The following RNF130 variants were observed in gnomAD, a reference collection of about 807,000 sequenced individuals.
RNF130 encodes E3 ubiquitin-protein ligase RNF130.
In RNF130, 21 loss-of-function variants were observed where a neutral mutation model predicts 44.6. The observed-to-expected ratio is 0.47, with a 90% CI of 0.33 to 0.68. The LOEUF (loss-of-function observed/expected upper bound fraction) is 0.68. RNF130 is among the 30% of genes least tolerant of loss of function. The pLI is 0.02. For synonymous variants in RNF130, 214 were observed against 210.4 expected (o/e 1.02, Z -0.15); for missense variants, 479 against 560.6 (o/e 0.85, Z 1.47).
chr5:180,064,432 A>G (rs1765052093), intron 1 of RNF130, among the ~76,000 whole-genome samples: 1 of 152,170 alleles, frequency 6.6e-6, no homozygotes, highest in Non-Finnish European at 1.5e-5. Flanking sequence ...CATAGTCCCC[A>G]GAGGCAACCA....
At chr5:180,009,740 G>C (rs1413376180) in intron 3 of RNF130, among the ~76,000 whole-genome samples, 4 of 152,166 alleles carry the variant, frequency 2.6e-5, no homozygotes, top group Non-Finnish European at 5.9e-5. Context: ...ACTGAACTCA[G>C]AAATTACACA....
chr5:179,974,367 G>C (rs936750573), intron 5 of RNF130, among the ~76,000 whole-genome samples: 1 of 152,252 alleles, frequency 6.6e-6, no homozygotes, highest in Non-Finnish European at 1.5e-5. Context: ...ATAAGACCAG[G>C]TGACAGTTCC....
intron 1 of RNF130, among the ~76,000 whole-genome samples, chr5:180,063,431 T>C (rs980950814): frequency 6.6e-6 from 1 of 152,084 alleles, no homozygotes; most frequent in Non-Finnish European, 1.5e-5. Context: ...TTTATTGAGA[T>C]GGGAAAGACT....
chr5:179,938,875 C>T (rs965677372), intron 7 of RNF130, among the ~76,000 whole-genome samples: 2 of 152,208 alleles, frequency 1.3e-5, no homozygotes, highest in East Asian at 1.9e-4. Context: ...ATGGAAAAGC[C>T]GATTCATGCT....
chr5:180,055,813 G>A (rs562912987), intron 1 of RNF130, among the ~76,000 whole-genome samples: 3 of 152,224 alleles, frequency 2.0e-5, no homozygotes, highest in East Asian at 1.9e-4. Context: ...CAACTGGTGC[G>A]TGGCTCATGG....
chr5:179,947,836 AAT>A (rs1762067023), intron 7 of RNF130, among the ~76,000 whole-genome samples: 2 of 152,346 alleles, frequency 1.3e-5, no homozygotes, highest in South Asian at 2.1e-4. Flanking sequence ...ATACCTACAC[AAT>A]ATGCTATTAT....
chr5:180,013,474 C>A (rs967633475), intron 2 of RNF130, among the ~76,000 whole-genome samples, 163 bp from the exon 3 acceptor site: 26 of 152,136 alleles, frequency 1.7e-4, no homozygotes, highest in African/African-American at 6.3e-4. Flanking sequence ...GGTATGCTGG[C>A]ACCAAGTAGG....
intron 7 of RNF130, among the ~76,000 whole-genome samples, chr5:179,939,153 G>C (rs1037006565): frequency 6.6e-6 from 1 of 152,056 alleles, no homozygotes; most frequent in Non-Finnish European, 1.5e-5. Context: ...GGAGGCAGAG[G>C]TTGCAGTGAG....
intron 3 of RNF130, among the ~76,000 whole-genome samples, chr5:180,006,404 C>T (rs534848753): frequency 2.6e-5 from 4 of 152,154 alleles, no homozygotes; most frequent in Non-Finnish European, 2.9e-5. Flanking sequence ...CACATTCTGA[C>T]AGGCAAATGC....
At chr5:179,948,931 G>T (rs1346542291) in intron 7 of RNF130, among the ~76,000 whole-genome samples, 1 of 150,518 alleles carries the variant, frequency 6.6e-6, no homozygotes, top group Non-Finnish European at 1.5e-5. Context: ...ATCAACTTCT[G>T]ACCAACCTGG....
At chr5:180,012,582 C>T (rs1763618543) in intron 3 of RNF130, among the ~76,000 whole-genome samples, 1 of 152,180 alleles carries the variant, frequency 6.6e-6, no homozygotes, top group Non-Finnish European at 1.5e-5. Flanking sequence ...CCCCCACTCA[C>T]CCTTACCCCA....
intron 8 of RNF130, among the ~76,000 whole-genome samples, chr5:179,959,246 G>A (rs907538964): frequency 1.3e-5 from 2 of 151,962 alleles, no homozygotes; most frequent in East Asian, 1.9e-4. Context: ...CATCTTACCC[G>A]GTCCCCTCTC....
At chr5:180,038,534 TTAA>T (rs1182170816) in intron 2 of RNF130, among the ~76,000 whole-genome samples, 1 of 151,988 alleles carries the variant, frequency 6.6e-6, no homozygotes, top group East Asian at 1.9e-4. Context: ...CCCAAAAATG[TTAA>T]TAAGTCCTAG....
chr5:180,025,364 A>C (rs1478775568), intron 2 of RNF130, among the ~76,000 whole-genome samples: 1 of 152,236 alleles, frequency 6.6e-6, no homozygotes, highest in African/African-American at 2.4e-5. Flanking sequence ...GAGGAAAGAG[A>C]AGCACAGAAA....
intron 1 of RNF130, among the ~76,000 whole-genome samples, chr5:180,053,106 G>A (rs1005836489): frequency 3.9e-5 from 6 of 152,120 alleles, no homozygotes; most frequent in South Asian, 4.2e-4. Flanking sequence ...ACTTCGATGC[G>A]GGAGCATGCC....
intron 1 of RNF130, among the ~76,000 whole-genome samples, chr5:180,055,259 A>C (rs1764781622): frequency 9.1e-5 from 3 of 33,010 alleles, no homozygotes; most frequent in Non-Finnish European, 1.9e-4. Flanking sequence ...AAAAAAAAAA[A>C]AAAAAAAAAA....
At chr5:179,980,033 A>G in intron 4 of RNF130, 96 bp downstream of exon 4, 1 of 984,060 alleles carries the variant, frequency 1.0e-6, no homozygotes, top group Non-Finnish European at 1.6e-6. Flanking sequence ...AATCTAACGA[A>G]TGAAATGTAA....
chr5:180,008,777 G>A (rs570935969), intron 3 of RNF130, among the ~76,000 whole-genome samples: 17 of 152,122 alleles, frequency 1.1e-4, no homozygotes, highest in Non-Finnish European at 1.9e-4. Flanking sequence ...GCAGCTACTC[G>A]GGAGGCAGAG....
downstream of RNF130, among the ~76,000 whole-genome samples, chr5:179,954,474 G>A (rs948963057): frequency 3.3e-5 from 5 of 152,132 alleles, no homozygotes; most frequent in African/African-American, 9.7e-5. Flanking sequence ...AGACACAAAA[G>A]GCCACATATT....
Sources: allele counts gnomAD v4.1 joint callset (sites outside exome capture counted in the v4.1 genomes callset), GRCh38; gene constraint gnomAD v4.1.1; transcripts MANE v1.5; gene names NCBI Gene and HGNC (gene_info 2026-07-23, HGNC 2026-07-21).